ABCD3: variants seen among roughly 807,000 people sequenced by gnomAD.
The protein encoded by ABCD3 is ATP-binding cassette sub-family D member 3.
Under a neutral mutation model 105.5 loss-of-function variants are expected in ABCD3, and 41 were observed. The observed-to-expected ratio is 0.39, with a 90% CI of 0.30 to 0.50. ABCD3 has a LOEUF of 0.50. Ranked by LOEUF, ABCD3 falls within the 20% of genes least tolerant of loss-of-function variation. The pLI, the probability that ABCD3 is intolerant of heterozygous loss-of-function variation, is 0.84. For missense variants in ABCD3, 622 were observed against 806.3 expected, an observed-to-expected ratio of 0.77 and a Z score of 2.77; for synonymous variants, 258 against 269.0, an observed-to-expected ratio of 0.96 and a Z score of 0.40.
intron 21 of ABCD3, 122 bp from the exon 22 acceptor site, chr1:94,515,024 C>T: frequency 1.3e-6 from 1 of 766,280 alleles, no homozygotes; most frequent in South Asian, 1.6e-5. Flanking sequence ...AATTTTTTCT[C>T]ATTGACATTG....
At chr1:94,443,625 G>A (rs1400506079) in intron 1 of ABCD3, among the ~76,000 whole-genome samples, 2 of 152,118 alleles carry the variant, frequency 1.3e-5, no homozygotes, top group Non-Finnish European at 2.9e-5. Context: ...TAGGTCTTAC[G>A]ATAAGGTCAT....
intron 2 of ABCD3, among the ~76,000 whole-genome samples, chr1:94,460,397 T>C (rs1647811676): frequency 1.3e-5 from 2 of 152,176 alleles, no homozygotes; most frequent in African/African-American, 4.8e-5. Flanking sequence ...TCTTTGTTTC[T>C]GGTTATTCAG....
intron 1 of ABCD3, 47 bp downstream of exon 1, chr1:94,418,635 C>T: frequency 6.5e-7 from 1 of 1,535,514 alleles, no homozygotes; most frequent in Non-Finnish European, 8.8e-7. Flanking sequence ...GGAGCGGGCG[C>T]TCCCCGCGCG....
intron 13 of ABCD3, 23 bp from the exon 14 acceptor site, chr1:94,489,702 G>A: frequency 1.3e-6 from 2 of 1,537,690 alleles, no homozygotes; most frequent in Non-Finnish European, 1.8e-6. Flanking sequence ...TTTTGATTAT[G>A]GTTTCCTTTT....
At chr1:94,502,536 G>A (rs548338313) in intron 20 of ABCD3, among the ~76,000 whole-genome samples, 31 of 144,872 alleles carry the variant, frequency 2.1e-4, no homozygotes, top group Admixed American at 8.5e-4. Context: ...TCATTCTGTC[G>A]CCCAGGCCGG....
Position 94,489,883 on chromosome 1 carries a change from ATACC to A in ABCD3, c.1250-17_1250-14del, listed in dbSNP as rs777195492. The A allele has an allele frequency of 6.2e-7, 1 of 1,612,568 alleles. No homozygotes were observed. The highest frequency in any genetic ancestry group is 1.1e-5 in the South Asian group (1 of 91,038). ...TTTGCTGACATAATATGATGCTTTAATACCTATTTTCCATTTAAGGTATTGAAGG... is the reference window on the plus strand; with the variant it reads ...TTTGCTGACATAATATGATGCTTTAATATTTTCCATTTAAGGTATTGAAGG... On this transcript the variant is annotated splice_polypyrimidine_tract_variant and intron_variant, in intron 14 of 22. Coordinates refer to ENST00000370214, the MANE Select transcript of ABCD3 (RefSeq NM_002858.4).
intron 11 of ABCD3, 28 bp from the exon 12 acceptor site, chr1:94,487,666 G>A: frequency 6.2e-7 from 1 of 1,613,262 alleles, no homozygotes; most frequent in African/African-American, 1.3e-5. Context: ...TACTGTTACT[G>A]TTTTAAATCT....
chr1:94,489,852 T>C, intron 14 of ABCD3, 36 bp downstream of exon 14: 9 of 1,611,790 alleles, frequency 5.6e-6, no homozygotes, highest in Non-Finnish European at 7.6e-6. Context: ...GTCACAATTT[T>C]AAGTGTTTGC....
chr1:94,418,656 C>G, intron 1 of ABCD3, 68 bp downstream of exon 1: 1 of 1,485,260 alleles, frequency 6.7e-7, no homozygotes, highest in Non-Finnish European at 9.1e-7. Flanking sequence ...CTCTCTCTCC[C>G]CACCCGGCCG....
At chr1:94,503,406 A>G (rs919911991) in intron 20 of ABCD3, among the ~76,000 whole-genome samples, 4 of 152,114 alleles carry the variant, frequency 2.6e-5, no homozygotes, top group Non-Finnish European at 4.4e-5. Context: ...CTTGGAGGAT[A>G]TGTCATCCTT....
At chr1:94,474,573 T>G (rs1648639383) in intron 5 of ABCD3, among the ~76,000 whole-genome samples, 1 of 152,116 alleles carries the variant, frequency 6.6e-6, no homozygotes, top group East Asian at 1.9e-4. Context: ...CTTTTTAAAA[T>G]AAACAATTGG....
At chr1:94,386,693 T>C in the ABCD3 span, among the ~76,000 whole-genome samples, 1 of 152,088 alleles carries the variant, frequency 6.6e-6, no homozygotes, top group Non-Finnish European at 1.5e-5. Context: ...ATATAACAAT[T>C]TGAACTTTCT....
the ABCD3 span, among the ~76,000 whole-genome samples, chr1:94,401,783 G>T: frequency 6.6e-6 from 1 of 152,206 alleles, no homozygotes; most frequent in Admixed American, 6.5e-5. Flanking sequence ...TAGCTTGTTT[G>T]CTCATTCATT....
In ABCD3 at chr1:94,489,784, A is replaced by G; in HGVS notation, c.1217A>G (p.Tyr406Cys). The change falls in exon 14 of 23, where the codon TAT becomes TGT. Residue 406 changes from tyrosine to cysteine, a missense_variant. Coordinates refer to ENST00000370214, the MANE Select transcript of ABCD3 (RefSeq NM_002858.4). ...QVLKDLNHGK[Y>C]ERTMVSQQEK... The stretch of plus-strand genomic sequence containing the variant: ...CTGAAGGATTTAAATCATGGCAAAT[A>G]TGAGCGCACAATGGTCTCACAACAG... 6.2e-7 allele frequency: 1 copy of G among 1,613,324 alleles called. No individual in the cohort carries two copies. Among genetic ancestry groups the G allele is most frequent in the Non-Finnish European group, 8.5e-7 (1 of 1,179,490 alleles).
chr1:94,397,863 CT>C, the ABCD3 span, among the ~76,000 whole-genome samples: 1 of 152,098 alleles, frequency 6.6e-6, no homozygotes, highest in African/African-American at 2.4e-5. Flanking sequence ...TATTTTGAGG[CT>C]ATGCTACCAT....
intron 5 of ABCD3, 28 bp from the exon 6 acceptor site, chr1:94,475,115 A>G (rs564509016): frequency 1.4e-6 from 2 of 1,430,256 alleles, no homozygotes; most frequent in East Asian, 4.7e-5. Context: ...GAAAAGCAAA[A>G]CCAATAATAT....
chr1:94,405,744 T>G, the ABCD3 span, among the ~76,000 whole-genome samples: 1 of 152,188 alleles, frequency 6.6e-6, no homozygotes, highest in East Asian at 1.9e-4. Flanking sequence ...TTGTAAATTG[T>G]CTGTTCTTGT....
At chr1:94,445,121 T>C (rs1660298307) in intron 1 of ABCD3, among the ~76,000 whole-genome samples, 1 of 152,220 alleles carries the variant, frequency 6.6e-6, no homozygotes, top group Non-Finnish European at 1.5e-5. Flanking sequence ...ATAGAAACAA[T>C]GCTTATACTG....
At chr1:94,456,254 AATTT>A (rs1557670343) in intron 1 of ABCD3, among the ~76,000 whole-genome samples, 4 of 125,356 alleles carry the variant, frequency 3.2e-5, no homozygotes, top group Admixed American at 9.1e-5. Flanking sequence ...CAAATGACAG[AATTT>A]TTTTTTTTTT....
Sources: allele counts gnomAD v4.1 joint callset (sites outside exome capture counted in the v4.1 genomes callset), GRCh38; gene constraint gnomAD v4.1.1; transcripts MANE v1.5; gene names NCBI Gene and HGNC (gene_info 2026-07-23, HGNC 2026-07-21).